Variants in UPP2 observed in about 807,000 individuals in gnomAD.
The protein encoded by UPP2 is UPase 2.
In UPP2, 23 loss-of-function variants were observed where a neutral mutation model predicts 26.7. That is an observed-to-expected ratio of 0.86 (90% CI 0.62 to 1.22). The LOEUF (loss-of-function observed/expected upper bound fraction) is 1.22. UPP2 is among the 50% of genes most tolerant of loss of function. The pLI is 0.00. For synonymous variants in UPP2, 127 were observed against 141.3 expected, an observed-to-expected ratio of 0.90 and a Z score of 0.72; for missense variants, 387 against 396.7, an observed-to-expected ratio of 0.98 and a Z score of 0.21.
intron 3 of UPP2, among the ~76,000 whole-genome samples, chr2:158,094,076 C>A (rs1299626575): frequency 2.0e-5 from 3 of 151,254 alleles, no homozygotes; most frequent in African/African-American, 7.3e-5. Context: ...CACCTTAAAC[C>A]TGCTCATGTA....
chr2:158,064,237 C>T (rs1256912758), intron 3 of UPP2, among the ~76,000 whole-genome samples: 3 of 152,218 alleles, frequency 2.0e-5, no homozygotes, highest in Non-Finnish European at 4.4e-5. Flanking sequence ...TTCTATTTCT[C>T]CACATCCTCT....
At chr2:158,096,817 T>C (rs1338141502) in intron 3 of UPP2, among the ~76,000 whole-genome samples, 1 of 152,050 alleles carries the variant, frequency 6.6e-6, no homozygotes, top group Non-Finnish European at 1.5e-5. Context: ...GTAAAATTTT[T>C]AAGCAGAAGA....
intron 3 of UPP2, among the ~76,000 whole-genome samples, chr2:158,029,530 A>G (rs1434729284): frequency 6.6e-6 from 1 of 152,220 alleles, no homozygotes; most frequent in East Asian, 1.9e-4. Flanking sequence ...GATTTATAAT[A>G]TATAGCATAT....
At chr2:158,014,617 G>A (rs1244455482) in intron 2 of UPP2, among the ~76,000 whole-genome samples, 3 of 152,160 alleles carry the variant, frequency 2.0e-5, no homozygotes, top group African/African-American at 7.2e-5. Context: ...TCAGGACTGT[G>A]GTTAGCAAAT....
chr2:158,001,146 A>G (rs1683398637), intron 2 of UPP2, among the ~76,000 whole-genome samples: 1 of 152,208 alleles, frequency 6.6e-6, no homozygotes, highest in African/African-American at 2.4e-5. Flanking sequence ...CCATTTCTCA[A>G]ATGCACCTGT....
chr2:158,057,813 T>C (rs374383766), intron 3 of UPP2, among the ~76,000 whole-genome samples: 2 of 152,224 alleles, frequency 1.3e-5, no homozygotes, highest in South Asian at 2.1e-4. Context: ...TTAAAAATTT[T>C]TGTAGAAGTG....
At chr2:158,026,993 A>C (rs1339434343) in intron 3 of UPP2, among the ~76,000 whole-genome samples, 4 of 152,134 alleles carry the variant, frequency 2.6e-5, no homozygotes, top group Admixed American at 6.5e-5. Context: ...CATGATTCAA[A>C]TTATCTCGCA....
intron 3 of UPP2, among the ~76,000 whole-genome samples, chr2:158,087,767 A>C (rs1407807602): frequency 6.6e-6 from 1 of 152,078 alleles, no homozygotes; most frequent in African/African-American, 2.4e-5. Flanking sequence ...GTTTCTCTGG[A>C]TCCAAAATTC....
At chr2:158,127,732 A>G (rs1247965108) in intron 6 of UPP2, among the ~76,000 whole-genome samples, 3 of 152,224 alleles carry the variant, frequency 2.0e-5, no homozygotes, top group Non-Finnish European at 4.4e-5. Context: ...GGCCACTGAC[A>G]CCCAGAAGTC....
intron 2 of UPP2, among the ~76,000 whole-genome samples, chr2:158,107,266 G>A (rs185640595): frequency 1.2e-4 from 18 of 152,156 alleles, no homozygotes; most frequent in African/African-American, 4.3e-4. Flanking sequence ...TGACTTTTTC[G>A]TTTCTTTAGC....
chr2:158,022,473 A>G (rs1232194119), intron 3 of UPP2, among the ~76,000 whole-genome samples: 1 of 152,070 alleles, frequency 6.6e-6, no homozygotes, highest in South Asian at 2.1e-4. Context: ...AAAAAAAAAA[A>G]AAAGTTCCAT....
chr2:158,049,399 T>A (rs915021604), intron 3 of UPP2, among the ~76,000 whole-genome samples: 6 of 152,214 alleles, frequency 3.9e-5, no homozygotes, highest in Admixed American at 6.5e-5. Context: ...CCTCATTGGT[T>A]AAGTTCCAAG....
intron 3 of UPP2, among the ~76,000 whole-genome samples, chr2:158,020,907 A>G (rs1234589525): frequency 3.3e-5 from 5 of 152,242 alleles, no homozygotes; most frequent in Admixed American, 3.3e-4. Flanking sequence ...ACTCCAGGAA[A>G]ATTGTTAGTG....
chr2:158,043,916 G>T (rs1684115193), intron 3 of UPP2, among the ~76,000 whole-genome samples: 1 of 152,178 alleles, frequency 6.6e-6, no homozygotes, highest in Non-Finnish European at 1.5e-5. Context: ...TAGTCACCAG[G>T]AGGCTCCATT....
At chr2:158,110,703 C>T (rs1246990006) in intron 2 of UPP2, among the ~76,000 whole-genome samples, 2 of 152,114 alleles carry the variant, frequency 1.3e-5, no homozygotes, top group African/African-American at 2.4e-5. Context: ...TAATGATTGC[C>T]ATTCTAACTG....
rs991794971 is a variant in UPP2, at chr2:158,135,110, G to A, written c.*220G>A. 3 of 476,370 alleles carry A rather than the reference G, an allele frequency of 6.3e-6. No homozygotes were observed. 29.5% of individuals were successfully genotyped at this position (476,370 alleles called of 1,614,324 possible). A position where few individuals can be genotyped will look rare whatever the true frequency, so the allele number is the denominator to read the frequency against. On this transcript the variant is annotated 3_prime_UTR_variant, in exon 7 of 7. Transcript: ENST00000005756. Reference sequence around the variant, plus strand: ...ATTTTAGAATAAGTTAACTAAATCAGTCTAATAATTAAAATTTTAAAACTC... The same window carrying A: ...ATTTTAGAATAAGTTAACTAAATCAATCTAATAATTAAAATTTTAAAACTC...
chr2:158,116,312 T>C (rs1343707191), intron 3 of UPP2, among the ~76,000 whole-genome samples: 2 of 152,196 alleles, frequency 1.3e-5, no homozygotes, highest in Non-Finnish European at 2.9e-5. Flanking sequence ...CTTACCAACA[T>C]TTAGTGGACC....
Position 158,030,992 on chromosome 2 carries a change from A to G in UPP2, c.147+15106A>G, listed in dbSNP as rs137883435. ...AACTTTAGGCCAGTCAGTTCCCTCA[A>G]CTTTCCAAGGGCATTAGATGAGTTG... On this transcript the variant is annotated intron_variant, in intron 3 of 9. Transcript: ENST00000605860. 4.7e-3 allele frequency among the ~76,000 whole-genome samples: 715 copies of G among 152,014 alleles called. 5 individuals are homozygous for G. The highest frequency in any genetic ancestry group is 0.017 in the African/African-American group (687 of 41,464).
intron 3 of UPP2, among the ~76,000 whole-genome samples, chr2:158,024,926 G>A (rs751355064): frequency 1.3e-5 from 2 of 152,114 alleles, no homozygotes; most frequent in African/African-American, 4.8e-5. Flanking sequence ...ATAGGGCCAG[G>A]TGCAGTGGCT....
Sources: allele counts gnomAD v4.1 joint callset (sites outside exome capture counted in the v4.1 genomes callset), GRCh38; gene constraint gnomAD v4.1.1; transcripts MANE v1.5; gene names NCBI Gene and HGNC (gene_info 2026-07-23, HGNC 2026-07-21).